Variants in CEP112 observed in about 807,000 individuals in gnomAD.
CEP112 encodes centrosomal protein 112, also known as centrosomal protein of 112 kDa.
In CEP112, 127 loss-of-function variants were observed where a neutral mutation model predicts 153.0. The observed-to-expected ratio is 0.83, with a 90% CI of 0.72 to 0.96. The LOEUF (loss-of-function observed/expected upper bound fraction) is 0.96. CEP112 is among the 40% of genes least tolerant of loss of function. The pLI, the probability that CEP112 is intolerant of heterozygous loss-of-function variation, is 0.00. For synonymous variants in CEP112, 358 were observed against 374.4 expected (o/e 0.96, Z 0.51); for missense variants, 1,089 against 1,101.2 (o/e 0.99, Z 0.16).
At chr17:65,642,112 C>T (rs1244287622) in intron 24 of CEP112, among the ~76,000 whole-genome samples, 3 of 152,094 alleles carry the variant, frequency 2.0e-5, no homozygotes, top group African/African-American at 7.2e-5. Flanking sequence ...ATGGATGAGG[C>T]GTGAATATGC....
At chr17:65,642,475 G>A (rs1357568514) in intron 24 of CEP112, among the ~76,000 whole-genome samples, 1 of 151,974 alleles carries the variant, frequency 6.6e-6, no homozygotes, top group Non-Finnish European at 1.5e-5. Context: ...AAAATCCTGT[G>A]GCCACTGTTA....
intron 17 of CEP112, among the ~76,000 whole-genome samples, chr17:65,999,324 C>T (rs1025873805): frequency 2.0e-5 from 3 of 151,730 alleles, no homozygotes; most frequent in Middle Eastern, 3.4e-3. Flanking sequence ...GCCTCAGCCT[C>T]CTGAGTAGCT....
At chr17:65,736,817 C>A (rs938379966) in intron 23 of CEP112, among the ~76,000 whole-genome samples, 1 of 152,132 alleles carries the variant, frequency 6.6e-6, no homozygotes, top group Admixed American at 6.6e-5. Flanking sequence ...TCAACCCATC[C>A]TCTTGCACTT....
intron 20 of CEP112, among the ~76,000 whole-genome samples, chr17:65,853,376 C>T (rs574397610): frequency 6.6e-6 from 1 of 152,246 alleles, no homozygotes; most frequent in South Asian, 2.1e-4. Context: ...ACTGGTCATA[C>T]TGGATTTAGG....
At chr17:65,840,360 G>A (rs911812837) in intron 21 of CEP112, among the ~76,000 whole-genome samples, 1 of 151,888 alleles carries the variant, frequency 6.6e-6, no homozygotes, top group African/African-American at 2.4e-5. Flanking sequence ...CACCTTTACA[G>A]CTAACTCATT....
intron 12 of CEP112, among the ~76,000 whole-genome samples, chr17:66,044,703 C>T (rs749680963): frequency 1.1e-4 from 17 of 152,046 alleles, no homozygotes; most frequent in East Asian, 1.9e-4. Context: ...TGAATAAAGA[C>T]GGCAAATGGA....
chr17:65,882,678 C>T (rs889493091), intron 20 of CEP112, among the ~76,000 whole-genome samples: 2 of 152,172 alleles, frequency 1.3e-5, no homozygotes, highest in Non-Finnish European at 2.9e-5. Flanking sequence ...AAGACACAAA[C>T]ATGCACAGGA....
chr17:65,997,160 G>A (rs1228354740), intron 17 of CEP112, among the ~76,000 whole-genome samples: 3 of 152,120 alleles, frequency 2.0e-5, no homozygotes, highest in African/African-American at 4.8e-5. Flanking sequence ...GCAGTGAGCC[G>A]AGATTACGCC....
chr17:65,651,370 A>T (rs8081765), intron 24 of CEP112, among the ~76,000 whole-genome samples: 4,430 of 152,122 alleles, frequency 0.029, 226 homozygotes, highest in African/African-American at 0.1. Flanking sequence ...ACGTTTATGC[A>T]CCCCTTGTGA....
chr17:65,950,215 T>A (rs2061777063), intron 18 of CEP112, among the ~76,000 whole-genome samples: 1 of 152,206 alleles, frequency 6.6e-6, no homozygotes, highest in African/African-American at 2.4e-5. Context: ...TTTAATTTTT[T>A]TTAAACTTTA....
rs547424760 is a variant in CEP112 at position 66,168,457 on chromosome 17, GTA to G, written c.470+6585_470+6586del. 4.3e-3 allele frequency among the ~76,000 whole-genome samples: 587 copies of G among 137,632 alleles called. 3 individuals carry two copies. The highest frequency in any genetic ancestry group is 0.012 in the Middle Eastern group (3 of 252). 90.3% of individuals were successfully genotyped at this position (137,632 alleles called of 152,430 possible). A position where few individuals can be genotyped will look rare whatever the true frequency, so the allele number is the denominator to read the frequency against. Reference sequence around the variant, plus strand: ...TGTATATATATGTGTGTGTATATATGTATATGTGTGTGTATATATGTATATAT... The same window carrying G: ...TGTATATATATGTGTGTGTATATATGTATGTGTGTGTATATATGTATATAT... On this transcript the variant is annotated intron_variant, in intron 4 of 26. Coordinates refer to ENST00000535342, the MANE Select transcript of CEP112 (RefSeq NM_001199165.4).
chr17:65,862,136 A>G (rs1468018748), intron 20 of CEP112, among the ~76,000 whole-genome samples: 2 of 152,372 alleles, frequency 1.3e-5, no homozygotes, highest in Middle Eastern at 3.4e-3. Context: ...AACAAAAATA[A>G]TATTTTGTTC....
chr17:65,959,120 A>G (rs1276651185), intron 18 of CEP112, among the ~76,000 whole-genome samples: 3 of 151,928 alleles, frequency 2.0e-5, no homozygotes, highest in Non-Finnish European at 4.4e-5. Context: ...GATAGGAGCA[A>G]CCCACTCCAT....
chr17:65,892,651 C>T (rs2059510791), intron 20 of CEP112, among the ~76,000 whole-genome samples: 1 of 152,072 alleles, frequency 6.6e-6, no homozygotes, highest in Non-Finnish European at 1.5e-5. Flanking sequence ...GCCTGGAACA[C>T]ACTGCAGCTC....
intron 24 of CEP112, among the ~76,000 whole-genome samples, chr17:65,675,562 A>G (rs999134225): frequency 1.3e-5 from 2 of 152,186 alleles, no homozygotes; most frequent in Non-Finnish European, 2.9e-5. Context: ...CTTCCAGAAA[A>G]CAGAGACAGA....
intron 19 of CEP112, among the ~76,000 whole-genome samples, chr17:65,914,437 C>T (rs910457942): frequency 6.6e-6 from 1 of 151,810 alleles, no homozygotes; most frequent in Non-Finnish European, 1.5e-5. Context: ...CACAATGCTT[C>T]GTAAATTATT....
intron 1 of CEP112, among the ~76,000 whole-genome samples, chr17:66,188,405 C>T (rs955977007): frequency 2.1e-5 from 3 of 144,510 alleles, no homozygotes; most frequent in Non-Finnish European, 3.0e-5. Flanking sequence ...AAACCCCCCC[C>T]CACCCCCGAG....
intron 18 of CEP112, among the ~76,000 whole-genome samples, chr17:65,945,699 T>G (rs1259684564): frequency 6.6e-6 from 1 of 151,922 alleles, no homozygotes; most frequent in Non-Finnish European, 1.5e-5. Context: ...CAGGCTGGAG[T>G]GTAATGGTGC....
chr17:66,025,920 T>TACACACACACACACAC (rs759825168), intron 16 of CEP112, among the ~76,000 whole-genome samples: 41,080 of 124,016 alleles, frequency 0.33, 7,546 homozygotes, highest in East Asian at 0.43. Flanking sequence ...AAATGTGGCA[T>TACACACACACACACAC]ACACACACAC....
Sources: gnomAD v4.1 joint callset for allele counts (sites outside exome capture counted in the v4.1 genomes callset) on GRCh38, gnomAD v4.1.1 for gene constraint, MANE v1.5 for transcripts, NCBI Gene and HGNC (gene_info 2026-07-23, HGNC 2026-07-21) for gene names.